Variants in PLCG2 observed in about 807,000 individuals in gnomAD.
PLCG2 encodes 1-phosphatidylinositol 4,5-bisphosphate phosphodiesterase gamma-2.
A neutral mutation model predicts 175.6 loss-of-function variants in PLCG2; 69 were observed. That is an observed-to-expected ratio of 0.39 (90% confidence interval 0.32 to 0.48). PLCG2 has a LOEUF of 0.48. PLCG2 is among the 20% of genes least tolerant of loss of function. The pLI is 0.91. For missense variants in PLCG2, 1,798 were observed against 1,650.9 expected, an observed-to-expected ratio of 1.09 and a Z score of -1.54; for synonymous variants, 827 against 624.0, an observed-to-expected ratio of 1.33 and a Z score of -4.85.
chr16:81,814,215 G>A (rs758596409), intron 2 of PLCG2, among the ~76,000 whole-genome samples: 5 of 152,222 alleles, frequency 3.3e-5, no homozygotes, highest in Admixed American at 6.5e-5. Flanking sequence ...AGGATAGGCT[G>A]TCTTTTTGCT....
At chr16:81,945,000 A>G (rs1911095911) in intron 30 of PLCG2, among the ~76,000 whole-genome samples, 1 of 152,180 alleles carries the variant, frequency 6.6e-6, no homozygotes, top group Non-Finnish European at 1.5e-5. Context: ...CCTTTGTGGG[A>G]GAATTATGGT....
intron 30 of PLCG2, among the ~76,000 whole-genome samples, chr16:81,943,351 C>T (rs1366257762): frequency 2.0e-5 from 3 of 152,194 alleles, no homozygotes; most frequent in East Asian, 3.8e-4. Flanking sequence ...CACATATTTA[C>T]ATGGCCAGCA....
intron 2 of PLCG2, among the ~76,000 whole-genome samples, chr16:81,850,506 CT>C (rs1304213682): frequency 1.3e-5 from 2 of 152,104 alleles, no homozygotes; most frequent in African/African-American, 4.8e-5. Context: ...ACCGTGCGTT[CT>C]TGGGCTCTCA....
At chr16:81,841,190 G>A (rs1032347727) in intron 2 of PLCG2, among the ~76,000 whole-genome samples, 48 of 151,452 alleles carry the variant, frequency 3.2e-4, no homozygotes, top group African/African-American at 1.2e-3. Context: ...CCTATCTGCA[G>A]GCCAAAAAGT....
chr16:81,826,503 G>T (rs1384140812), intron 2 of PLCG2, among the ~76,000 whole-genome samples: 1 of 152,126 alleles, frequency 6.6e-6, no homozygotes, highest in Non-Finnish European at 1.5e-5. Flanking sequence ...ATAATAGTAG[G>T]ACCTATCTCA....
At chr16:81,776,101 T>TTTTTTTTCTTTCTTTCTTTCTTTC (rs1910398191), upstream of PLCG2, among the ~76,000 whole-genome samples, 20 of 55,358 alleles carry the variant, frequency 3.6e-4, no homozygotes, top group African/African-American at 7.3e-4. Context: ...TTCTTTCTTT[T>TTTTTTTTCTTTCTTTCTTTCTTTC]TTTCCTTCTT....
intron 2 of PLCG2, among the ~76,000 whole-genome samples, chr16:81,769,125 T>G (rs1597308198): frequency 1.3e-5 from 2 of 152,252 alleles, no homozygotes; most frequent in South Asian, 2.1e-4. Flanking sequence ...TTAAGGTAAG[T>G]TTGTCTCAGA....
At position 81,919,464 on chromosome 16, in the gene PLCG2, C is replaced by G. The variant is rs563045009; in HGVS notation, c.2055-20C>G. 1.2e-6 allele frequency: 2 copies of G among 1,606,194 alleles called. No homozygotes were observed. Among genetic ancestry groups the G allele is most frequent in the Non-Finnish European group, 1.7e-6 (2 of 1,174,126 alleles). On this transcript the variant is annotated intron_variant, in intron 19 of 32. Coordinates refer to ENST00000564138, the MANE Select transcript of PLCG2 (RefSeq NM_002661.5). ...CCACCAGGATCTTGGCATGTCAACC[C>G]TGTGTTCTTCCTGCTCCAGGGCTAG...
At chr16:81,744,296 C>T (rs181328252) in intron 1 of PLCG2, among the ~76,000 whole-genome samples, 29 of 151,894 alleles carry the variant, frequency 1.9e-4, no homozygotes, top group African/African-American at 4.8e-4. Flanking sequence ...TCCCAAGTAG[C>T]TGGGATTACA....
At chr16:81,758,759 C>A (rs532834933) in intron 2 of PLCG2, among the ~76,000 whole-genome samples, 32 of 151,974 alleles carry the variant, frequency 2.1e-4, no homozygotes, top group Non-Finnish European at 3.4e-4. Context: ...CTCACTGCAA[C>A]CTTTGCCTCC....
chr16:81,844,684 T>C (rs1279874487), intron 2 of PLCG2, among the ~76,000 whole-genome samples: 1 of 152,220 alleles, frequency 6.6e-6, no homozygotes, highest in East Asian at 1.9e-4. Flanking sequence ...AGGTCTATGA[T>C]CTGGATTGTG....
upstream of PLCG2, among the ~76,000 whole-genome samples, chr16:81,778,933 T>A (rs1910586785): frequency 6.6e-6 from 1 of 152,224 alleles, no homozygotes; most frequent in African/African-American, 2.4e-5. Flanking sequence ...AGAGCTGGGA[T>A]GACAGGCGTG....
chr16:81,830,193 ATC>A (rs1905204767), intron 2 of PLCG2, among the ~76,000 whole-genome samples: 1 of 152,004 alleles, frequency 6.6e-6, no homozygotes, highest in African/African-American at 2.4e-5. Context: ...GTTGGCACGC[ATC>A]TGTGGTCCCA....
chr16:81,842,764 G>C (rs67823242), intron 2 of PLCG2: 44,631 of 151,648 alleles, frequency 0.29, 7,833 homozygotes, highest in East Asian at 0.59. Flanking sequence ...TGAAGAACAG[G>C]GTCATGGCCC....
At position 81,897,859 on chromosome 16, in the gene PLCG2, T is replaced by C. The variant is rs1183972519; in HGVS notation, c.1193+1932T>C. ...CGTGCCCAACCCGATTGGTTATTTT[T>C]ATTGCATTTACTGCAGATGTCCCTT... is the stretch of plus-strand genomic sequence containing the variant. On this transcript the variant is annotated intron_variant, in intron 13 of 32. Transcript: ENST00000564138. The C allele has an allele frequency of 6.6e-6, 3 of 455,926 alleles. No individual in the cohort carries two copies. The East Asian group carries it at 2.1e-4, about 32-fold the overall frequency. The allele number at this position is 455,926 out of a possible 1,614,324, so 28.2% of individuals were successfully genotyped here.
intron 5 of PLCG2, among the ~76,000 whole-genome samples, chr16:81,867,758 C>T (rs1431701285): frequency 6.6e-6 from 1 of 151,848 alleles, no homozygotes; most frequent in African/African-American, 2.4e-5. Flanking sequence ...AGTGCAGTGG[C>T]GTGATCTCGG....
At position 81,939,845 on chromosome 16, in the gene PLCG2, G is replaced by A. The variant is rs1361851484; in HGVS notation, c.3314-47G>A. 5 of 1,335,168 alleles carry A rather than the reference G, an allele frequency of 3.7e-6. No homozygotes were observed. In the Admixed American group the frequency reaches 5.2e-5, roughly 14 times the overall value. The allele number at this position is 1,335,168 out of a possible 1,614,324, so 82.7% of individuals were successfully genotyped here. The stretch of plus-strand genomic sequence containing the variant: ...GGATGCGGAGATTGTCTTACCAGAA[G>A]GGGGCAGCTCCAATGTGGCCTCTCA... On this transcript the variant is annotated intron_variant, in intron 29 of 32. Coordinates refer to ENST00000564138, the MANE Select transcript of PLCG2 (RefSeq NM_002661.5).
At chr16:81,756,693 C>T (rs897507747) in intron 2 of PLCG2, among the ~76,000 whole-genome samples, 3 of 152,246 alleles carry the variant, frequency 2.0e-5, no homozygotes, top group South Asian at 2.1e-4. Flanking sequence ...CTTCGTGAGG[C>T]GGGTGTTATT....
chr16:81,849,055 T>G (rs1248921723), intron 2 of PLCG2, among the ~76,000 whole-genome samples: 2 of 151,968 alleles, frequency 1.3e-5, no homozygotes, highest in Non-Finnish European at 1.5e-5. Context: ...GAGGGGCCTG[T>G]GTGGGTGGTG....
Sources: gnomAD v4.1 joint callset for allele counts (sites outside exome capture counted in the v4.1 genomes callset) on GRCh38, gnomAD v4.1.1 for gene constraint, MANE v1.5 for transcripts, NCBI Gene and HGNC (gene_info 2026-07-23, HGNC 2026-07-21) for gene names.